DPH6: variants seen among roughly 807,000 people sequenced by gnomAD.
DPH6 encodes the protein diphthamine biosynthesis 6, also known as diphthine--ammonia ligase.
Under a neutral mutation model 38.2 loss-of-function variants are expected in DPH6, and 33 were observed. That is an observed-to-expected ratio of 0.86 (90% CI 0.65 to 1.15). DPH6 has a LOEUF of 1.15. Ranked by LOEUF, DPH6 falls within the 50% of genes most tolerant of loss-of-function variation. The probability of loss-of-function intolerance (pLI) is 0.00; values close to 1 mark genes in which losing one functional copy is unlikely to be tolerated. For synonymous variants in DPH6, 108 were observed against 103.0 expected (o/e 1.05, Z -0.30); for missense variants, 325 against 320.0 (o/e 1.02, Z -0.12).
chr15:35,177,042 T>C, the DPH6 span, among the ~76,000 whole-genome samples: 1 of 152,190 alleles, frequency 6.6e-6, no homozygotes, highest in Non-Finnish European at 1.5e-5. Context: ...TATTTGCCAA[T>C]GAATGCTACT....
At chr15:35,465,701 A>G (rs1485342935) in intron 3 of DPH6, among the ~76,000 whole-genome samples, 1 of 152,180 alleles carries the variant, frequency 6.6e-6, no homozygotes, top group Non-Finnish European at 1.5e-5. Context: ...CTAAAATGGA[A>G]AATGATCACC....
downstream of DPH6, among the ~76,000 whole-genome samples, chr15:35,327,950 C>T (rs762188314): frequency 3.9e-5 from 6 of 152,170 alleles, no homozygotes; most frequent in African/African-American, 7.2e-5. Context: ...TGATCAAATA[C>T]ATTGCAAACC....
At chr15:35,477,365 C>T (rs986561916) in intron 3 of DPH6, among the ~76,000 whole-genome samples, 5 of 151,444 alleles carry the variant, frequency 3.3e-5, no homozygotes, top group Admixed American at 1.3e-4. Context: ...TTATACAACA[C>T]GAAATATTTT....
intron 3 of DPH6, among the ~76,000 whole-genome samples, chr15:35,301,574 A>ATTAGGTC (rs2052054631): frequency 6.6e-6 from 1 of 152,244 alleles, no homozygotes; most frequent in Non-Finnish European, 1.5e-5. Flanking sequence ...TTCTTATTTA[A>ATTAGGTC]TTATATTAGG....
At chr15:35,278,510 G>A (rs967457380) in intron 3 of DPH6, among the ~76,000 whole-genome samples, 12 of 152,232 alleles carry the variant, frequency 7.9e-5, no homozygotes, top group Non-Finnish European at 1.8e-4. Context: ...GACGTGTGAG[G>A]TTGGAGACCC....
At chr15:35,223,305 C>A (rs2051454888) in intron 3 of DPH6, among the ~76,000 whole-genome samples, 1 of 152,136 alleles carries the variant, frequency 6.6e-6, no homozygotes, top group African/African-American at 2.4e-5. Context: ...TGAACTCACT[C>A]TCAGGAAAAC....
chr15:35,510,851 C>T (rs1005123284), intron 3 of DPH6, among the ~76,000 whole-genome samples: 5 of 152,042 alleles, frequency 3.3e-5, no homozygotes, highest in African/African-American at 9.7e-5. Flanking sequence ...CTTAAAATTG[C>T]CTAAATCAAA....
the DPH6 span, among the ~76,000 whole-genome samples, chr15:35,170,333 A>G: frequency 6.6e-6 from 1 of 152,154 alleles, no homozygotes; most frequent in Non-Finnish European, 1.5e-5. Flanking sequence ...ACAGCGAAAT[A>G]TGCCAAGTGC....
At chr15:35,205,417 T>C in the DPH6 span, among the ~76,000 whole-genome samples, 11 of 152,164 alleles carry the variant, frequency 7.2e-5, no homozygotes, top group African/African-American at 2.6e-4. Context: ...ATGGGATATG[T>C]TTACATAGGT....
At chr15:35,385,841 T>C (rs1482585196) in intron 6 of DPH6, among the ~76,000 whole-genome samples, 6 of 152,156 alleles carry the variant, frequency 3.9e-5, no homozygotes, top group Non-Finnish European at 8.8e-5. Context: ...TGTTTATTGT[T>C]TCACATTTTT....
At chr15:35,446,527 T>C (rs1450635154) in intron 5 of DPH6, among the ~76,000 whole-genome samples, 4 of 152,192 alleles carry the variant, frequency 2.6e-5, no homozygotes, top group Non-Finnish European at 4.4e-5. Context: ...CCTCTCTTCC[T>C]TATAATTGTC....
chr15:35,210,946 CTTTTTTTTTTTTT>C, the DPH6 span, among the ~76,000 whole-genome samples: 2 of 61,570 alleles, frequency 3.2e-5, no homozygotes, highest in African/African-American at 7.7e-5. Context: ...AGATAGATCA[CTTTTTTTTTTTTT>C]TTTTTTTTTT....
chr15:35,468,837 G>A (rs1566921521), intron 3 of DPH6, among the ~76,000 whole-genome samples: 1 of 152,112 alleles, frequency 6.6e-6, no homozygotes, highest in African/African-American at 2.4e-5. Context: ...GGAGGCTGAG[G>A]CAGGTGGATC....
chr15:35,321,159 C>A (rs550057141), intron 3 of DPH6, among the ~76,000 whole-genome samples: 1 of 152,202 alleles, frequency 6.6e-6, no homozygotes, highest in South Asian at 2.1e-4. Context: ...TGTGGTCTTT[C>A]AATAGGTTTA....
intron 6 of DPH6, among the ~76,000 whole-genome samples, chr15:35,383,895 C>T (rs1595517204): frequency 6.6e-6 from 1 of 152,232 alleles, no homozygotes; most frequent in South Asian, 2.1e-4. Flanking sequence ...TTTAATGAAT[C>T]TTCTAAGACA....
At chr15:35,260,887 G>C (rs1595450875) in intron 3 of DPH6, among the ~76,000 whole-genome samples, 2 of 152,186 alleles carry the variant, frequency 1.3e-5, no homozygotes, top group African/African-American at 4.8e-5. Context: ...TAGGATTCTG[G>C]AAAAATTGTC....
chr15:35,182,220 ATTTTTTTTTTTTTTTTTT>A, the DPH6 span, among the ~76,000 whole-genome samples: 1,711 of 86,098 alleles, frequency 0.02, 61 homozygotes, highest in African/African-American at 0.063. Flanking sequence ...AACTCTAAGA[ATTTTTTTTTTTTTTTTTT>A]TTTTTTTTTT....
chr15:35,322,461 T>C (rs2052249053), intron 3 of DPH6, among the ~76,000 whole-genome samples: 1 of 152,232 alleles, frequency 6.6e-6, no homozygotes, highest in Non-Finnish European at 1.5e-5. Context: ...GAGTCAACTA[T>C]GTCAGATTTC....
intron 5 of DPH6, among the ~76,000 whole-genome samples, chr15:35,444,894 A>AG (rs1328142120): frequency 6.6e-6 from 1 of 151,868 alleles, no homozygotes; most frequent in Non-Finnish European, 1.5e-5. Context: ...ACCATTACTA[A>AG]AAATGCCTTC....
Sources: gnomAD v4.1 joint callset for allele counts (sites outside exome capture counted in the v4.1 genomes callset) on GRCh38, gnomAD v4.1.1 for gene constraint, MANE v1.5 for transcripts, NCBI Gene and HGNC (gene_info 2026-07-23, HGNC 2026-07-21) for gene names.